The following ZNF133 variants were observed in gnomAD, a reference collection of about 807,000 sequenced individuals.
ZNF133 encodes zinc finger protein 133.
A neutral mutation model predicts 54.9 loss-of-function variants in ZNF133; 26 were observed. The ratio of observed to expected loss-of-function variants is 0.47; its 90% CI spans 0.35 to 0.66. The LOEUF is 0.66. Among genes scored for constraint, ZNF133 ranks in the 30% least tolerant of loss-of-function variants. The pLI is 0.01. For missense variants in ZNF133, 653 were observed against 820.8 expected, an observed-to-expected ratio of 0.80 and a Z score of 2.50; for synonymous variants, 298 against 320.3, an observed-to-expected ratio of 0.93 and a Z score of 0.74.
In ZNF133 at chr20:18,315,600, G is replaced by A; in HGVS notation, c.749G>A (p.Gly250Asp). Residue 250 changes from glycine (G) to aspartate (D), a missense_variant, in exon 7 of 7, where the codon GGC becomes GAC. Gly to Asp is a moderately conservative substitution (Grantham distance 94). Transcript: ENST00000425686. ...TACGTGTGTGGGGTATGTGAGAAGG[G>A]CTTCAGCCTAAAGAAGAGCCTCGCC... ...KPYVCGVCEK[G>D]FSLKKSLARH... The A allele has an allele frequency of 6.2e-7, 1 of 1,614,064 alleles. No individual in the cohort carries two copies.
chr20:18,316,906 A>T lies in ZNF133; in HGVS notation c.*90A>T. 2.1e-6 allele frequency: 3 copies of T among 1,416,804 alleles called. No homozygotes were observed. The highest frequency in any genetic ancestry group is 2.8e-6 in the Non-Finnish European group (3 of 1,059,880). The allele number at this position is 1,416,804 out of a possible 1,614,324, so 87.8% of individuals were successfully genotyped here. A position where few individuals can be genotyped will look rare whatever the true frequency, so the allele number is the denominator to read the frequency against. On this transcript the variant is annotated 3_prime_UTR_variant, in exon 7 of 7. Coordinates refer to ENST00000425686, the MANE Select transcript of ZNF133 (RefSeq NM_001352452.2). ...AATGCATTCTGTAAGTGGTCAAAGG[A>T]CATTTGACTGTTTACTTTCTCCACA...
At chr20:18,300,212 T>C (rs1452633965) in intron 3 of ZNF133, among the ~76,000 whole-genome samples, 1 of 152,210 alleles carries the variant, frequency 6.6e-6, no homozygotes, top group Non-Finnish European at 1.5e-5. Context: ...TGGAGCTGTA[T>C]AGGAACACAG....
chr20:18,290,924 C>A (rs929132716), intron 1 of ZNF133, among the ~76,000 whole-genome samples: 2 of 152,110 alleles, frequency 1.3e-5, no homozygotes, highest in African/African-American at 4.8e-5. Flanking sequence ...GTCAGGAGTT[C>A]GAGACCAGCC....
At position 18,316,214 on chromosome 20, in the gene ZNF133, A is replaced by C; in HGVS notation, c.1363A>C (p.Arg455=). 1 of 1,607,812 alleles carries C rather than the reference A, an allele frequency of 6.2e-7. No individual in the cohort carries two copies. Among genetic ancestry groups the C allele is most frequent in the Non-Finnish European group, 8.5e-7 (1 of 1,176,848 alleles). ...CTTTAGTCTCAAGTCACACCTCAAC[A>C]GACACCAGAACATACACTCAGGAGA... ...RGFSLKSHLN[R]HQNIHSGEKP... is the part of the protein sequence containing the mutation. The change falls in exon 7 of 7, where the codon AGA becomes CGA. Residue 455 remains arginine, a synonymous_variant. Coordinates refer to ENST00000425686, the MANE Select transcript of ZNF133 (RefSeq NM_001352452.2).
chr20:18,293,889 CAGA>C (rs2041661942), intron 1 of ZNF133, among the ~76,000 whole-genome samples: 3 of 152,042 alleles, frequency 2.0e-5, no homozygotes, highest in Admixed American at 6.5e-5. Context: ...ACAGCTTTGA[CAGA>C]AGAATTCTAA....
At chr20:18,293,922 AGGG>A (rs2041670911) in intron 1 of ZNF133, among the ~76,000 whole-genome samples, 1 of 152,240 alleles carries the variant, frequency 6.6e-6, no homozygotes, top group African/African-American at 2.4e-5. Flanking sequence ...TTAGAATGAA[AGGG>A]GGAAAAAGAA....
intron 1 of ZNF133, among the ~76,000 whole-genome samples, chr20:18,297,587 T>A (rs1250684500): frequency 6.6e-6 from 1 of 152,126 alleles, no homozygotes; most frequent in Non-Finnish European, 1.5e-5. Flanking sequence ...TCATTTTTTT[T>A]AATAGACTAC....
At chr20:18,307,187 AAT>A (rs2044832278) in intron 6 of ZNF133, among the ~76,000 whole-genome samples, 2 of 152,142 alleles carry the variant, frequency 1.3e-5, no homozygotes, top group South Asian at 4.1e-4. Flanking sequence ...TAAGAGAAAA[AAT>A]AGTCTTTAAC....
intron 1 of ZNF133, among the ~76,000 whole-genome samples, chr20:18,292,378 T>A (rs1295027994): frequency 6.6e-6 from 1 of 152,200 alleles, no homozygotes; most frequent in Admixed American, 6.5e-5. Context: ...TGTACCACAC[T>A]ATCTCAGTCA....
intron 3 of ZNF133, among the ~76,000 whole-genome samples, chr20:18,303,354 T>C (rs2043848256): frequency 6.6e-6 from 1 of 151,952 alleles, no homozygotes; most frequent in Non-Finnish European, 1.5e-5. Context: ...GCCAGAAAAC[T>C]TAATGTTAAA....
At chr20:18,302,132 G>C (rs1370890219) in intron 3 of ZNF133, among the ~76,000 whole-genome samples, 1 of 152,200 alleles carries the variant, frequency 6.6e-6, no homozygotes, top group Admixed American at 6.5e-5. Flanking sequence ...CGGGCACGGT[G>C]GCTCATGCCT....
At chr20:18,312,361 C>G (rs955765948) in intron 6 of ZNF133, among the ~76,000 whole-genome samples, 2 of 152,156 alleles carry the variant, frequency 1.3e-5, no homozygotes, top group Non-Finnish European at 2.9e-5. Flanking sequence ...TTGAGAAAGC[C>G]TACATATCAG....
chr20:18,307,218 A>G (rs2044841979), intron 6 of ZNF133, among the ~76,000 whole-genome samples: 1 of 151,862 alleles, frequency 6.6e-6, no homozygotes, highest in Non-Finnish European at 1.5e-5. Context: ...ATAATTTATC[A>G]TTTTCTGTTC....
At chr20:18,292,499 AG>A (rs962064102) in intron 1 of ZNF133, among the ~76,000 whole-genome samples, 2 of 152,142 alleles carry the variant, frequency 1.3e-5, no homozygotes, top group Non-Finnish European at 2.9e-5. Flanking sequence ...TTCTTTTCAA[AG>A]TTATTCCCTG....
Position 18,315,245 on chromosome 20 carries a change from C to A in ZNF133, c.394C>A (p.Gln132Lys). 1 of 1,614,062 alleles carries A rather than the reference C, an allele frequency of 6.2e-7. No individual in the cohort carries two copies. Among genetic ancestry groups the A allele is most frequent in the Non-Finnish European group, 8.5e-7 (1 of 1,179,982 alleles). Residue 132 changes from glutamine (Q) to lysine (K), a missense_variant, in exon 7 of 7, where the codon CAA (glutamine) becomes AAA (lysine). Physicochemically the swap from Gln to Lys is moderately conservative, Grantham distance 53. This residue lies in a region of ZNF133 where 227 missense variants were observed against 233.9 expected (regional missense o/e 0.97). Transcript: ENST00000425686. ...CCCAGGGGACCAGGAGAAGCAGCAACAAGCCTCTGAGGGGAGACCCTGGAG... is the reference window on the plus strand; with the variant it reads ...CCCAGGGGACCAGGAGAAGCAGCAAAAAGCCTCTGAGGGGAGACCCTGGAG... ...PGPGDQEKQQ[Q>K]ASEGRPWSDQ...
intron 1 of ZNF133, chr20:18,290,077 G>A (rs2040600959): frequency 6.6e-6 from 1 of 152,306 alleles, no homozygotes; most frequent in African/African-American, 2.4e-5. Context: ...AGCTTCAGGT[G>A]GGTGCCACTT....
At chr20:18,302,147 T>C (rs999451232) in intron 3 of ZNF133, among the ~76,000 whole-genome samples, 2 of 152,118 alleles carry the variant, frequency 1.3e-5, no homozygotes, top group African/African-American at 4.8e-5. Context: ...ATGCCTGTAA[T>C]CCCAGCACTT....
rs977559114 is a variant in ZNF133, at chr20:18,315,405, A to G, written c.554A>G (p.Glu185Gly). ...VSSRNGLRGVELEASPAQSGN... is the reference protein window; with the variant it reads ...VSSRNGLRGVGLEASPAQSGN... ...TCTCGGAACGGCCTCAGAGGGGTGG[A>G]GTTAGAAGCCAGCCCAGCTCAGTCA... Residue 185 changes from glutamate to glycine, a missense_variant, in exon 7 of 7, where the codon GAG becomes GGG. Coordinates refer to ENST00000425686, the MANE Select transcript of ZNF133 (RefSeq NM_001352452.2). 6.2e-7 allele frequency: 1 copy of G among 1,614,114 alleles called. No individual in the cohort carries two copies. Among genetic ancestry groups the G allele is most frequent in the South Asian group, 1.1e-5 (1 of 91,082 alleles).
intron 1 of ZNF133, among the ~76,000 whole-genome samples, chr20:18,291,276 G>A (rs2040921086): frequency 6.6e-6 from 1 of 152,118 alleles, no homozygotes. Flanking sequence ...CTTCTGTTAT[G>A]TTTCGAATAT....
Sources: gnomAD v4.1 joint callset for allele counts (sites outside exome capture counted in the v4.1 genomes callset) on GRCh38, gnomAD v4.1.1 for gene constraint, gnomAD v4.1.1 regional missense constraint, MANE v1.5 for transcripts, NCBI Gene and HGNC (gene_info 2026-07-23, HGNC 2026-07-21) for gene names.